PKNOX2: variants seen among roughly 807,000 people sequenced by gnomAD.
The protein encoded by PKNOX2 is PBX/knotted 1 homeobox 2, also known as homeobox protein PKNOX2.
A neutral mutation model predicts 53.1 loss-of-function variants in PKNOX2; 14 were observed. The ratio of observed to expected loss-of-function variants is 0.26; its 90% CI spans 0.17 to 0.41. The LOEUF is 0.41. Ranked by LOEUF, PKNOX2 falls within the 10% of genes least tolerant of loss-of-function variation. PKNOX2 has a pLI of 1.00. For missense variants in PKNOX2, 496 were observed against 602.8 expected, an observed-to-expected ratio of 0.82 and a Z score of 1.85; for synonymous variants, 257 against 242.8, an observed-to-expected ratio of 1.06 and a Z score of -0.54.
chr11:125,189,371 A>ATATATATATATATGTGTATATATATATG (rs1555111565), intron 1 of PKNOX2, among the ~76,000 whole-genome samples: 2 of 79,676 alleles, frequency 2.5e-5, no homozygotes, highest in Non-Finnish European at 5.1e-5. Flanking sequence ...ATATATATGT[A>ATATATATATATATGTGTATATATATATG]TATATATATA....
intron 1 of PKNOX2, among the ~76,000 whole-genome samples, chr11:125,209,836 A>T (rs562680410): frequency 6.6e-6 from 1 of 152,128 alleles, no homozygotes; most frequent in East Asian, 1.9e-4. Context: ...TGCCACCCTT[A>T]TACCCACCCT....
chr11:125,328,515 A>G (rs935966506), intron 2 of PKNOX2, among the ~76,000 whole-genome samples: 16 of 151,420 alleles, frequency 1.1e-4, no homozygotes, highest in African/African-American at 2.4e-5. Flanking sequence ...TCCCAGGTAC[A>G]GGGCAGGAAG....
At chr11:125,360,241 A>G (rs976638627) in intron 4 of PKNOX2, among the ~76,000 whole-genome samples, 3 of 151,174 alleles carry the variant, frequency 2.0e-5, no homozygotes, top group Admixed American at 6.6e-5. Context: ...GCCCTGTGGG[A>G]GGTGTGTGGG....
intron 2 of PKNOX2, among the ~76,000 whole-genome samples, chr11:125,284,766 C>G (rs937736582): frequency 3.3e-5 from 5 of 152,114 alleles, no homozygotes; most frequent in Non-Finnish European, 7.3e-5. Flanking sequence ...CAAGACCAGC[C>G]TCCTCAGAGA....
chr11:125,202,135 A>C (rs1938518239), intron 1 of PKNOX2, among the ~76,000 whole-genome samples: 1 of 152,088 alleles, frequency 6.6e-6, no homozygotes, highest in Non-Finnish European at 1.5e-5. Context: ...GGAGAGGGGG[A>C]AAGTTCATGT....
chr11:125,423,530 G>A (rs67313074), intron 10 of PKNOX2, among the ~76,000 whole-genome samples: 5,560 of 152,254 alleles, frequency 0.037, 119 homozygotes, highest in South Asian at 0.054. Context: ...CAGTTACTCC[G>A]AAGGCCCCGT....
chr11:125,416,937 G>T (rs77018417), intron 10 of PKNOX2, among the ~76,000 whole-genome samples: 4 of 152,002 alleles, frequency 2.6e-5, no homozygotes, highest in Admixed American at 6.5e-5. Flanking sequence ...ATGATAGAAG[G>T]CTCCTGAGAT....
intron 2 of PKNOX2, among the ~76,000 whole-genome samples, chr11:125,265,714 G>A (rs760431468): frequency 6.6e-6 from 1 of 152,164 alleles, no homozygotes; most frequent in Non-Finnish European, 1.5e-5. Flanking sequence ...ATGGTCCCCA[G>A]AGGGTTGCGG....
At chr11:125,316,606 A>G (rs1949211304) in intron 2 of PKNOX2, among the ~76,000 whole-genome samples, 1 of 152,248 alleles carries the variant, frequency 6.6e-6, no homozygotes. Flanking sequence ...TATAAAAGTT[A>G]TGTTTACACT....
In PKNOX2 at chr11:125,239,723, C is replaced by G. The variant is rs557706555; in HGVS notation, c.-130+4608C>G. 5 of 152,336 alleles carry G rather than the reference C, an allele frequency of 3.3e-5. No individual in the cohort carries two copies. The South Asian group carries it at 8.3e-4, about 25-fold the overall frequency. 9.4% of individuals were successfully genotyped at this position (152,336 alleles called of 1,614,324 possible). ...CCAGATCTTGATGGGAACCTATGCT[C>G]GAAGGGTGTGTGCTAAGGTTTATAA... is the stretch of plus-strand genomic sequence containing the variant. On this transcript the variant is annotated intron_variant, in intron 2 of 12. Coordinates refer to ENST00000298282, the MANE Select transcript of PKNOX2 (RefSeq NM_001382323.2).
intron 2 of PKNOX2, among the ~76,000 whole-genome samples, chr11:125,235,341 A>G (rs1942581951): frequency 6.6e-6 from 1 of 152,242 alleles, no homozygotes; most frequent in South Asian, 2.1e-4. Flanking sequence ...TTGATTGTGC[A>G]TTAAGGTGGA....
At chr11:125,229,987 A>C (rs962889185) in intron 1 of PKNOX2, among the ~76,000 whole-genome samples, 2 of 152,220 alleles carry the variant, frequency 1.3e-5, no homozygotes, top group Admixed American at 1.3e-4. Flanking sequence ...AGGTTAACCC[A>C]CCACTGCCAG....
chr11:125,317,855 A>G (rs1949295428), intron 2 of PKNOX2, among the ~76,000 whole-genome samples: 1 of 152,226 alleles, frequency 6.6e-6, no homozygotes, highest in African/African-American at 2.4e-5. Context: ...TTGAAGCCAG[A>G]CATTGACTTC....
intron 1 of PKNOX2, among the ~76,000 whole-genome samples, chr11:125,217,767 G>A (rs1214905298): frequency 6.6e-6 from 1 of 152,172 alleles, no homozygotes; most frequent in African/African-American, 2.4e-5. Context: ...GAATATTACA[G>A]CTATCATTTA....
At chr11:125,397,733 T>G in intron 6 of PKNOX2, 141 bp from the exon 7 acceptor site, 6 of 827,066 alleles carry the variant, frequency 7.3e-6, no homozygotes, top group Non-Finnish European at 1.1e-5. Flanking sequence ...TTCTGGGCCT[T>G]TTGGCCAAGA....
At chr11:125,312,965 G>A (rs1035713936) in intron 2 of PKNOX2, among the ~76,000 whole-genome samples, 2 of 152,210 alleles carry the variant, frequency 1.3e-5, no homozygotes, top group African/African-American at 4.8e-5. Flanking sequence ...GCCTTCGCTC[G>A]CATGCCGTGT....
chr11:125,400,252 C>G (rs80345639), intron 7 of PKNOX2, among the ~76,000 whole-genome samples: 4,550 of 152,158 alleles, frequency 0.03, 190 homozygotes, highest in African/African-American at 0.089. Flanking sequence ...TCAAACTTGT[C>G]CCTGCATTTT....
At chr11:125,312,800 T>C (rs1341848903) in intron 2 of PKNOX2, among the ~76,000 whole-genome samples, 1 of 152,042 alleles carries the variant, frequency 6.6e-6, no homozygotes. Flanking sequence ...GAAATTACTG[T>C]CCGCCAGAGG....
intron 1 of PKNOX2, among the ~76,000 whole-genome samples, chr11:125,179,762 A>C (rs1475996622): frequency 6.6e-6 from 1 of 152,186 alleles, no homozygotes; most frequent in Non-Finnish European, 1.5e-5. Context: ...AGATGTTTCT[A>C]AGCCTCAGTT....
Sources: allele counts gnomAD v4.1 joint callset (sites outside exome capture counted in the v4.1 genomes callset), GRCh38; gene constraint gnomAD v4.1.1; transcripts MANE v1.5; gene names NCBI Gene and HGNC (gene_info 2026-07-23, HGNC 2026-07-21).